Variants in PCDHA6 observed in about 807,000 individuals in gnomAD.
PCDHA6 encodes protocadherin alpha-6.
A neutral mutation model predicts 60.3 loss-of-function variants in PCDHA6; 55 were observed. The observed-to-expected ratio is 0.91, with a 90% CI of 0.73 to 1.14. The LOEUF (loss-of-function observed/expected upper bound fraction) is 1.14, where lower values mean the gene tolerates loss of function less well. PCDHA6 is among the 50% of genes most tolerant of loss of function. The pLI, the probability that PCDHA6 is intolerant of heterozygous loss-of-function variation, is 0.00. For synonymous variants in PCDHA6, 652 were observed against 557.9 expected, an observed-to-expected ratio of 1.17 and a Z score of -2.38; for missense variants, 1,327 against 1,256.5, an observed-to-expected ratio of 1.06 and a Z score of -0.85.
At position 140,857,686 on chromosome 5, in the gene PCDHA6, C is replaced by A; in HGVS notation, c.2394+27201C>A. The A allele has an allele frequency of 3.8e-6, 6 of 1,597,184 alleles. 1 individual carries two copies. Among genetic ancestry groups the A allele is most frequent in the Non-Finnish European group, 5.1e-6 (6 of 1,167,762 alleles). ...ATGGGGGCGTGCCGCCTCTGGGCAG[C>A]AACTTGACGCTGCAGGTGTTCGTGC... On this transcript the variant is annotated intron_variant, in intron 1 of 3. Transcript: ENST00000529310.
intron 1 of PCDHA6, among the ~76,000 whole-genome samples, chr5:140,906,677 A>C (rs1239152358): frequency 6.6e-6 from 1 of 152,134 alleles, no homozygotes; most frequent in Admixed American, 6.5e-5. Context: ...CCAAACCTTC[A>C]TTCCTGAAGG....
intron 1 of PCDHA6, chr5:140,870,888 A>G: frequency 1.9e-6 from 3 of 1,613,936 alleles, no homozygotes; most frequent in Non-Finnish European, 2.5e-6. Context: ...AGGTGCGCGC[A>G]GTGGATGCGG....
At chr5:141,009,551 C>G (rs551736337) in intron 3 of PCDHA6, 76 bp from the exon 4 acceptor site, 1 of 1,561,992 alleles carries the variant, frequency 6.4e-7, no homozygotes, top group East Asian at 2.2e-5. Flanking sequence ...ATGCAGTACT[C>G]CTGTACTCTA....
At chr5:140,989,153 A>C (rs1409258920) in intron 3 of PCDHA6, among the ~76,000 whole-genome samples, 2 of 152,186 alleles carry the variant, frequency 1.3e-5, no homozygotes, top group Non-Finnish European at 2.9e-5. Flanking sequence ...CTTTTGTTTA[A>C]GAGTGTTGCA....
At chr5:140,980,507 G>A (rs1274816745) in intron 2 of PCDHA6, among the ~76,000 whole-genome samples, 1 of 152,136 alleles carries the variant, frequency 6.6e-6, no homozygotes, top group African/African-American at 2.4e-5. Flanking sequence ...GCATGTGCCT[G>A]TAGTTCCAGC....
At chr5:140,976,232 G>C (rs2096707189) in intron 1 of PCDHA6, among the ~76,000 whole-genome samples, 1 of 152,098 alleles carries the variant, frequency 6.6e-6, no homozygotes, top group Non-Finnish European at 1.5e-5. Flanking sequence ...AAAAATATAT[G>C]TCATTTCATG....
At chr5:140,964,721 C>T (rs2095851062) in intron 1 of PCDHA6, among the ~76,000 whole-genome samples, 1 of 151,598 alleles carries the variant, frequency 6.6e-6, no homozygotes, top group East Asian at 1.9e-4. Flanking sequence ...CAAATTACCA[C>T]AGCAAACTGA....
At chr5:140,843,880 A>G in intron 1 of PCDHA6, 1 of 739,104 alleles carries the variant, frequency 1.4e-6, no homozygotes, top group Admixed American at 3.0e-5. Flanking sequence ...CAGTGGCATA[A>G]TACAGTATTA....
At chr5:140,864,409 G>C (rs1354025134) in intron 1 of PCDHA6, 3 of 152,230 alleles carry the variant, frequency 2.0e-5, no homozygotes, top group Non-Finnish European at 4.4e-5. Context: ...GAGCAGGGTT[G>C]AGGCAGCTTC....
chr5:141,009,825 T>A lies in PCDHA6; in HGVS notation c.2741T>A (p.Ile914Lys). ...AGCCAAATTGACAAAAGTGACTTCA[T>A]AACCTTCGGCAAAAAGGAGGAGACC... ...TNSQIDKSDF[I>K]TFGKKEETKK... is the part of the protein sequence containing the mutation. The change falls in exon 4 of 4, where the codon ATA (isoleucine) becomes AAA (lysine). Residue 914 changes from isoleucine to lysine, a missense_variant. Physicochemically the swap from Ile to Lys is moderately radical, Grantham distance 102. Coordinates refer to ENST00000529310, the MANE Select transcript of PCDHA6 (RefSeq NM_018909.4). 2 of 1,613,774 alleles carry A rather than the reference T, an allele frequency of 1.2e-6. No homozygotes were observed.
intron 1 of PCDHA6, chr5:140,866,113 T>C (rs1185424072): frequency 6.6e-6 from 1 of 152,196 alleles, no homozygotes; most frequent in African/African-American, 2.4e-5. Flanking sequence ...AAGAGTTGCC[T>C]TATAAGAACT....
chr5:140,977,359 A>G (rs1335405602), intron 1 of PCDHA6, among the ~76,000 whole-genome samples: 6 of 152,212 alleles, frequency 3.9e-5, no homozygotes, highest in Non-Finnish European at 8.8e-5. Context: ...TGATTGATAA[A>G]AAGTATTTTA....
At chr5:140,911,249 C>T (rs782367621) in intron 1 of PCDHA6, among the ~76,000 whole-genome samples, 4 of 152,152 alleles carry the variant, frequency 2.6e-5, no homozygotes, top group African/African-American at 4.8e-5. Context: ...AAAGTTTCAT[C>T]AGAATTTATA....
intron 1 of PCDHA6, chr5:140,856,072 G>A: frequency 6.3e-7 from 1 of 1,592,122 alleles, no homozygotes; most frequent in Non-Finnish European, 8.6e-7. Flanking sequence ...GTAGCTGCCT[G>A]GGGGTCCAGT....
At chr5:140,895,730 A>G (rs781978402) in intron 1 of PCDHA6, among the ~76,000 whole-genome samples, 4 of 152,280 alleles carry the variant, frequency 2.6e-5, no homozygotes, top group Middle Eastern at 3.4e-3. Flanking sequence ...CCTCCATTCA[A>G]TGGGCTGCAA....
chr5:140,912,378 T>C (rs1554195314), intron 1 of PCDHA6, among the ~76,000 whole-genome samples: 1 of 152,002 alleles, frequency 6.6e-6, no homozygotes, highest in African/African-American at 2.4e-5. Context: ...GTAAAAGGGA[T>C]TGAGTTCTTA....
Position 140,836,166 on chromosome 5 carries a change from C to T in PCDHA6, c.2394+5681C>T, listed in dbSNP as rs373780071. On this transcript the variant is annotated intron_variant, in intron 1 of 3. Coordinates refer to ENST00000529310, the MANE Select transcript of PCDHA6 (RefSeq NM_018909.4). ...CGCGGGCCATGTGGTGGCGAAGGTACGTGCAGTTGACGCTGACTCAGGCTA... is the reference window on the plus strand; with the variant it reads ...CGCGGGCCATGTGGTGGCGAAGGTATGTGCAGTTGACGCTGACTCAGGCTA... The T allele has an allele frequency of 4.3e-6, 7 of 1,613,708 alleles. No homozygotes were observed. In the African/African-American group the frequency reaches 5.3e-5, roughly 12 times the overall value.
intron 3 of PCDHA6, among the ~76,000 whole-genome samples, chr5:140,988,221 T>A (rs1554249982): frequency 6.6e-6 from 1 of 152,016 alleles, no homozygotes; most frequent in Non-Finnish European, 1.5e-5. Context: ...AAAAATGAGA[T>A]CAGGGATCTA....
chr5:140,991,310 C>T (rs1450251256), intron 3 of PCDHA6, among the ~76,000 whole-genome samples: 2 of 152,140 alleles, frequency 1.3e-5, no homozygotes, highest in Admixed American at 6.5e-5. Flanking sequence ...TATCTTGTCC[C>T]GCATGATACA....
Sources: allele counts gnomAD v4.1 joint callset (sites outside exome capture counted in the v4.1 genomes callset), GRCh38; gene constraint gnomAD v4.1.1; transcripts MANE v1.5; gene names NCBI Gene and HGNC (gene_info 2026-07-23, HGNC 2026-07-21).